ADCK1: variants seen among roughly 807,000 people sequenced by gnomAD.
ADCK1 encodes the protein aarF domain-containing protein kinase 1.
Under a neutral mutation model 52.3 loss-of-function variants are expected in ADCK1, and 41 were observed. The ratio of observed to expected loss-of-function variants is 0.78; its 90% confidence interval spans 0.61 to 1.02. The LOEUF (loss-of-function observed/expected upper bound fraction) is 1.02. Among genes scored for constraint, ADCK1 ranks in the 50% least tolerant of loss-of-function variants. ADCK1 has a pLI of 0.00. For synonymous variants in ADCK1, 250 were observed against 274.6 expected (o/e 0.91, Z 0.89); for missense variants, 658 against 679.5 (o/e 0.97, Z 0.35).
chr14:77,815,436 C>G (rs1275650829), intron 1 of ADCK1, among the ~76,000 whole-genome samples: 1 of 151,380 alleles, frequency 6.6e-6, no homozygotes, highest in African/African-American at 2.4e-5. Flanking sequence ...TCTTGAACTC[C>G]TAGGCCCAAA....
chr14:77,829,801 G>A (rs1002093061), intron 3 of ADCK1, among the ~76,000 whole-genome samples: 1 of 151,340 alleles, frequency 6.6e-6, no homozygotes, highest in East Asian at 1.9e-4. Flanking sequence ...CAGAGACAAT[G>A]GTCTGAAATA....
In ADCK1 at chr14:77,828,064, G is replaced by A. The variant is rs993362869; in HGVS notation, c.219+5546G>A. The A allele has an allele frequency of 8.9e-5, 18 of 203,042 alleles. 1 individual carries two copies. The highest frequency in any genetic ancestry group is 2.6e-4 in the African/African-American group (11 of 41,738). The allele number at this position is 203,042 out of a possible 1,614,324, so 12.6% of individuals were successfully genotyped here. ...AGAATGATCTCCATCTCCTGACCTC[G>A]TGATCCGCCCGCCTCGGCCTCCCAA... On this transcript the variant is annotated intron_variant, in intron 3 of 10. Transcript: ENST00000238561.
chr14:77,852,899 ATATATATATTTTTTTTTT>A lies in ADCK1; in HGVS notation c.220-6175_220-6158del, dbSNP rs1454421641. Among the ~76,000 whole-genome samples the A allele has an allele frequency of 2.1e-3, 71 of 33,466 alleles. 3 individuals are homozygous for A. Among genetic ancestry groups the A allele is most frequent in the Middle Eastern group, 0.015 (1 of 66 alleles). 22.0% of individuals were successfully genotyped at this position (33,466 alleles called of 152,430 possible). A position where few individuals can be genotyped will look rare whatever the true frequency, so the allele number is the denominator to read the frequency against. On this transcript the variant is annotated intron_variant, in intron 3 of 10. Coordinates refer to ENST00000238561, the MANE Select transcript of ADCK1 (RefSeq NM_020421.4). Reference sequence around the variant, plus strand: ...TTTATGTGTGTATATATATATATATATATATATATTTTTTTTTTTTTTTTTTTTTTTTAGAGACAGGGT... The same window carrying A: ...TTTATGTGTGTATATATATATATATATTTTTTTTTTTTTTAGAGACAGGGT...
intron 1 of ADCK1, among the ~76,000 whole-genome samples, chr14:77,811,908 CATAAA>C (rs1841132306): frequency 6.6e-6 from 1 of 152,118 alleles, no homozygotes; most frequent in Non-Finnish European, 1.5e-5. Flanking sequence ...GGGAAATTTT[CATAAA>C]ATAAAGAGAA....
intron 7 of ADCK1, chr14:77,914,535 G>A: frequency 1.0e-6 from 1 of 985,454 alleles, no homozygotes; most frequent in Non-Finnish European, 1.2e-6. Context: ...AGAGGTGTGA[G>A]CAGAGTGTGG....
chr14:77,850,376 C>A (rs957828952), intron 3 of ADCK1, among the ~76,000 whole-genome samples: 10 of 152,146 alleles, frequency 6.6e-5, no homozygotes, highest in African/African-American at 2.2e-4. Context: ...TTTGTTATAT[C>A]ATGTATTGAG....
chr14:77,898,061 C>A (rs773595227), intron 5 of ADCK1, among the ~76,000 whole-genome samples: 6 of 152,108 alleles, frequency 3.9e-5, no homozygotes, highest in Non-Finnish European at 8.8e-5. Context: ...AGCTTGAGAC[C>A]AACCTGGGCA....
chr14:77,836,770 TTTC>T (rs146426180), intron 3 of ADCK1, among the ~76,000 whole-genome samples: 53,705 of 98,204 alleles, frequency 0.55, 13,164 homozygotes, highest in Middle Eastern at 0.61. Flanking sequence ...TCTTTCTTTC[TTTC>T]TTTTTTTTTT....
Position 77,924,467 on chromosome 14 carries a change from A to G in ADCK1, c.869A>G (p.His290Arg). 1 of 1,614,048 alleles carries G rather than the reference A, an allele frequency of 6.2e-7. No individual in the cohort carries two copies. Among genetic ancestry groups the G allele is most frequent in the Non-Finnish European group, 8.5e-7 (1 of 1,180,016 alleles). The change falls in exon 8 of 11, where the codon CAC (histidine) becomes CGC (arginine). Residue 290 changes from histidine to arginine, a missense_variant. His to Arg is a conservative substitution (Grantham distance 29, BLOSUM62 0). Coordinates refer to ENST00000238561, the MANE Select transcript of ADCK1 (RefSeq NM_020421.4). ...NKIDVNEISR[H>R]LGKMYSEMIF... ...CCTCTTCTCTTTCAGATCTCACGCC[A>G]CCTGGGCAAGATGTATAGTGAGATG... is the stretch of plus-strand genomic sequence containing the variant.
At chr14:77,879,399 T>G (rs2082970334) in intron 4 of ADCK1, among the ~76,000 whole-genome samples, 1 of 152,128 alleles carries the variant, frequency 6.6e-6, no homozygotes, top group African/African-American at 2.4e-5. Context: ...GGGAGACCTC[T>G]CTGAGGAGGT....
chr14:77,913,415 C>A (rs1027589879), intron 7 of ADCK1, among the ~76,000 whole-genome samples: 1 of 152,144 alleles, frequency 6.6e-6, no homozygotes, highest in African/African-American at 2.4e-5. Context: ...CTGCAGGGGC[C>A]CTCATTTGTT....
At chr14:77,845,414 G>A (rs532167186) in intron 3 of ADCK1, among the ~76,000 whole-genome samples, 3 of 152,232 alleles carry the variant, frequency 2.0e-5, no homozygotes, top group East Asian at 3.9e-4. Flanking sequence ...CAATTAAAAT[G>A]TTCCTTTTTT....
Position 77,899,082 on chromosome 14 carries a change from G to A in ADCK1, c.583-18G>A, listed in dbSNP as rs758763826. 2.5e-6 allele frequency: 4 copies of A among 1,612,930 alleles called. No homozygotes were observed. The East Asian group carries it at 8.9e-5, about 36-fold the overall frequency. ...ATATGCTGTGGGCCAAATGACTGGG[G>A]TGCTTGTTGGATTTCAGGTGCTCGT... On this transcript the variant is annotated intron_variant, in intron 5 of 10. Transcript: ENST00000238561.
At chr14:77,836,700 C>T (rs2081966016) in intron 3 of ADCK1, among the ~76,000 whole-genome samples, 1 of 152,006 alleles carries the variant, frequency 6.6e-6, no homozygotes, top group African/African-American at 2.4e-5. Flanking sequence ...TGGCACCAGG[C>T]ATTCCTGTGG....
At chr14:77,919,748 T>G (rs1400292028) in intron 7 of ADCK1, among the ~76,000 whole-genome samples, 1 of 152,178 alleles carries the variant, frequency 6.6e-6, no homozygotes, top group Non-Finnish European at 1.5e-5. Flanking sequence ...CAATATCTAT[T>G]ATTTTTGATT....
At chr14:77,843,726 A>C (rs917581896) in intron 3 of ADCK1, among the ~76,000 whole-genome samples, 3 of 152,218 alleles carry the variant, frequency 2.0e-5, no homozygotes, top group Non-Finnish European at 4.4e-5. Flanking sequence ...TGCTGGAACA[A>C]CTTTCTTTGC....
At position 77,931,651 on chromosome 14, in the gene ADCK1, C is replaced by A. The variant is rs759129763; in HGVS notation, c.1340C>A (p.Thr447Asn). Residue 447 changes from threonine (T) to asparagine (N), a missense_variant, in exon 10 of 11, where the codon ACC becomes AAC. By Grantham distance (65) the Thr-to-Asn change is moderately conservative. Coordinates refer to ENST00000238561, the MANE Select transcript of ADCK1 (RefSeq NM_020421.4). Reference sequence around the variant, plus strand: ...CGTGGCATTGAGGCCGCCCTGGGCACCCGCGCCAGCGCCAGCTCCTTTCTC... The same window carrying A: ...CGTGGCATTGAGGCCGCCCTGGGCAACCGCGCCAGCGCCAGCTCCTTTCTC... ...LLRGIEAALG[T>N]RASASSFLNM... 6.2e-7 allele frequency: 1 copy of A among 1,610,950 alleles called. No homozygotes were observed. The highest frequency in any genetic ancestry group is 8.5e-7 in the Non-Finnish European group (1 of 1,180,016).
At chr14:77,857,994 G>A (rs1405534414) in intron 3 of ADCK1, among the ~76,000 whole-genome samples, 1 of 152,180 alleles carries the variant, frequency 6.6e-6, no homozygotes, top group Middle Eastern at 3.2e-3. Flanking sequence ...GGGGATGACT[G>A]TGGATATGCA....
At chr14:77,890,368 A>G (rs2083258909) in intron 5 of ADCK1, among the ~76,000 whole-genome samples, 1 of 152,230 alleles carries the variant, frequency 6.6e-6, no homozygotes, top group Non-Finnish European at 1.5e-5. Context: ...TCCTCACAGC[A>G]TGGCGGCTGG....
Sources: allele counts gnomAD v4.1 joint callset (sites outside exome capture counted in the v4.1 genomes callset), GRCh38; gene constraint gnomAD v4.1.1; transcripts MANE v1.5; gene names NCBI Gene and HGNC (gene_info 2026-07-23, HGNC 2026-07-21).